The following SLC35F3 variants were observed in gnomAD, a reference collection of about 807,000 sequenced individuals.
The protein encoded by SLC35F3 is putative thiamine transporter SLC35F3.
A neutral mutation model predicts 49.9 loss-of-function variants in SLC35F3; 25 were observed. The observed-to-expected ratio is 0.50, with a 90% CI of 0.37 to 0.70. SLC35F3 has a LOEUF of 0.70. Ranked by LOEUF, SLC35F3 falls within the 30% of genes least tolerant of loss-of-function variation. The pLI, the probability that SLC35F3 is intolerant of heterozygous loss-of-function variation, is 0.00. For synonymous variants in SLC35F3, 275 were observed against 265.4 expected, an observed-to-expected ratio of 1.04 and a Z score of -0.35; for missense variants, 525 against 639.8, an observed-to-expected ratio of 0.82 and a Z score of 1.94.
chr1:234,193,887 G>A (rs113543759), intron 2 of SLC35F3, among the ~76,000 whole-genome samples: 12,262 of 152,016 alleles, frequency 0.081, 1,359 homozygotes, highest in African/African-American at 0.25. Flanking sequence ...AATGAAAACC[G>A]CAATACAATA....
intron 2 of SLC35F3, among the ~76,000 whole-genome samples, chr1:234,066,876 A>ACACACAC (rs1664630223): frequency 7.1e-6 from 1 of 140,882 alleles, no homozygotes; most frequent in African/African-American, 2.7e-5. Context: ...ACACACACAC[A>ACACACAC]ATTATATTAA....
At chr1:234,166,687 G>C (rs958791221) in intron 2 of SLC35F3, among the ~76,000 whole-genome samples, 3 of 152,192 alleles carry the variant, frequency 2.0e-5, no homozygotes, top group African/African-American at 7.2e-5. Context: ...ATAGGAGGGA[G>C]CAGGAAGGCC....
In SLC35F3 at chr1:234,063,147, G is replaced by A. The variant is rs1012387861; in HGVS notation, c.283+157389G>A. Among the ~76,000 whole-genome samples, 107 of 152,038 alleles carry A rather than the reference G, an allele frequency of 7.0e-4. 4 individuals are homozygous for A. Among genetic ancestry groups the A allele is most frequent in the East Asian group, 1.9e-4 (1 of 5,178 alleles). The stretch of plus-strand genomic sequence containing the variant: ...AAAGTAGAGCCTCCGTCCTGTTCCC[G>A]GACCAAATTGAGGGTTGGGCTGCTC... On this transcript the variant is annotated intron_variant, in intron 2 of 7. Coordinates refer to ENST00000366618, the MANE Select transcript of SLC35F3 (RefSeq NM_173508.4).
At chr1:234,086,072 A>G (rs1664955923) in intron 2 of SLC35F3, among the ~76,000 whole-genome samples, 1 of 152,208 alleles carries the variant, frequency 6.6e-6, no homozygotes, top group Admixed American at 6.5e-5. Context: ...CTTCCATCAT[A>G]CCATCCTAAC....
chr1:234,138,376 G>A (rs1161132422), intron 2 of SLC35F3, among the ~76,000 whole-genome samples: 1 of 152,132 alleles, frequency 6.6e-6, no homozygotes, highest in Non-Finnish European at 1.5e-5. Flanking sequence ...CAGAGGAGGA[G>A]GAGGGTCAAT....
chr1:234,137,184 G>A (rs1478974041), intron 2 of SLC35F3, among the ~76,000 whole-genome samples: 2 of 152,224 alleles, frequency 1.3e-5, no homozygotes, highest in African/African-American at 4.8e-5. Flanking sequence ...GTCAATGAAT[G>A]CTTTTGAATG....
At chr1:233,972,808 T>G (rs1002071252) in intron 2 of SLC35F3, among the ~76,000 whole-genome samples, 2 of 152,250 alleles carry the variant, frequency 1.3e-5, no homozygotes, top group Non-Finnish European at 2.9e-5. Flanking sequence ...TCAAGTCTGA[T>G]AGTTGGCTGT....
chr1:234,236,980 A>G (rs1667485462), intron 3 of SLC35F3, among the ~76,000 whole-genome samples: 1 of 131,298 alleles, frequency 7.6e-6, no homozygotes, highest in African/African-American at 2.8e-5. Context: ...AAATGGGGCG[A>G]GAGCTGAGGG....
At chr1:234,242,386 T>C (rs1420511894) in intron 3 of SLC35F3, among the ~76,000 whole-genome samples, 1 of 152,230 alleles carries the variant, frequency 6.6e-6, no homozygotes, top group Non-Finnish European at 1.5e-5. Context: ...TTTTCCAGCC[T>C]GGGTCATCCC....
intron 2 of SLC35F3, among the ~76,000 whole-genome samples, chr1:234,104,859 G>A (rs1399677048): frequency 6.6e-6 from 1 of 152,178 alleles, no homozygotes; most frequent in Non-Finnish European, 1.5e-5. Flanking sequence ...GGCTGGGCAC[G>A]GTGGCTTATG....
intron 2 of SLC35F3, among the ~76,000 whole-genome samples, chr1:234,015,006 C>G (rs1663780009): frequency 6.6e-6 from 1 of 152,074 alleles, no homozygotes; most frequent in Non-Finnish European, 1.5e-5. Flanking sequence ...ACAAAAAATC[C>G]TGGAAGTCAA....
chr1:234,074,696 C>T (rs1279484484), intron 2 of SLC35F3, among the ~76,000 whole-genome samples: 10 of 152,166 alleles, frequency 6.6e-5, no homozygotes, highest in Admixed American at 6.5e-4. Flanking sequence ...AGAGAAGGTT[C>T]AGAAAGTTTG....
intron 2 of SLC35F3, among the ~76,000 whole-genome samples, chr1:234,091,451 A>C (rs1665043020): frequency 6.6e-6 from 1 of 152,186 alleles, no homozygotes; most frequent in Non-Finnish European, 1.5e-5. Flanking sequence ...TGAGGAGGGG[A>C]ACCCTTGGAG....
chr1:234,113,535 G>T (rs1222173058), intron 2 of SLC35F3, among the ~76,000 whole-genome samples: 2 of 152,156 alleles, frequency 1.3e-5, no homozygotes, highest in Non-Finnish European at 2.9e-5. Context: ...AGTCTTTCTT[G>T]TGTTCATAGA....
chr1:234,068,692 C>T (rs1472619650), intron 2 of SLC35F3, among the ~76,000 whole-genome samples: 1 of 151,062 alleles, frequency 6.6e-6, no homozygotes, highest in East Asian at 2.0e-4. Flanking sequence ...TGCATGTGTG[C>T]ATGCAGTAAG....
intron 2 of SLC35F3, among the ~76,000 whole-genome samples, chr1:234,108,230 A>AT (rs572291550): frequency 1.7e-5 from 2 of 119,750 alleles, no homozygotes; most frequent in Admixed American, 9.7e-5. Context: ...AAAGATATAT[A>AT]TATTTATATA....
intron 2 of SLC35F3, among the ~76,000 whole-genome samples, chr1:234,153,715 C>T (rs1462871601): frequency 6.6e-6 from 1 of 152,026 alleles, no homozygotes; most frequent in Non-Finnish European, 1.5e-5. Flanking sequence ...TCACTTGAGC[C>T]TAGGAGTTTG....
At chr1:234,243,489 T>C (rs1213191842) in intron 3 of SLC35F3, among the ~76,000 whole-genome samples, 1 of 152,208 alleles carries the variant, frequency 6.6e-6, no homozygotes, top group Non-Finnish European at 1.5e-5. Flanking sequence ...CTTTGTCTCT[T>C]GGTAAAGATG....
chr1:234,040,827 G>A (rs1383835677), intron 2 of SLC35F3, among the ~76,000 whole-genome samples: 1 of 152,182 alleles, frequency 6.6e-6, no homozygotes, highest in East Asian at 1.9e-4. Flanking sequence ...TTTATTCTGG[G>A]ATATGTCTGA....
Sources: allele counts gnomAD v4.1 joint callset (sites outside exome capture counted in the v4.1 genomes callset), GRCh38; gene constraint gnomAD v4.1.1; transcripts MANE v1.5; gene names NCBI Gene and HGNC (gene_info 2026-07-23, HGNC 2026-07-21).